Variants in EVA1C observed in about 807,000 individuals in gnomAD.
The protein encoded by EVA1C is protein eva-1 homolog C.
EVA1C carries 25 observed loss-of-function variants against 45.4 expected under a neutral mutation model. The observed-to-expected ratio is 0.55, with a 90% CI of 0.40 to 0.77. EVA1C has a LOEUF of 0.77. Ranked by LOEUF, EVA1C falls within the 30% of genes least tolerant of loss-of-function variation. EVA1C has a pLI of 0.00. For synonymous variants in EVA1C, 190 were observed against 221.2 expected, an observed-to-expected ratio of 0.86 and a Z score of 1.25; for missense variants, 479 against 554.8, an observed-to-expected ratio of 0.86 and a Z score of 1.37.
At chr21:32,494,117 T>C (rs2037261814) in intron 4 of EVA1C, among the ~76,000 whole-genome samples, 1 of 152,238 alleles carries the variant, frequency 6.6e-6, no homozygotes, top group South Asian at 2.1e-4. Context: ...TACTGTTTTT[T>C]TCTGATGGTA....
At chr21:32,502,092 T>C (rs1196424800) in intron 6 of EVA1C, among the ~76,000 whole-genome samples, 1 of 150,930 alleles carries the variant, frequency 6.6e-6, no homozygotes, top group Non-Finnish European at 1.5e-5. Flanking sequence ...CTCTCTTTCT[T>C]TCTTTCCTTA....
rs532063894 is a variant in EVA1C at position 32,450,167 on chromosome 21, G to A, written c.161-3145G>A. Among the ~76,000 whole-genome samples the A allele has an allele frequency of 9.8e-5, 15 of 152,296 alleles. No individual in the cohort carries two copies. In the East Asian group the frequency reaches 1.9e-3, roughly 20 times the overall value. ...GATTGGAGGCTCAGGCCACTGCACC[G>A]CACGTACAGGTCTTGATGTAAATGG... On this transcript the variant is annotated intron_variant, in intron 1 of 7. Coordinates refer to ENST00000300255, the MANE Select transcript of EVA1C (RefSeq NM_058187.5).
intron 4 of EVA1C, among the ~76,000 whole-genome samples, chr21:32,472,171 A>G (rs1406036606): frequency 2.0e-5 from 3 of 151,972 alleles, no homozygotes; most frequent in Non-Finnish European, 2.9e-5. Flanking sequence ...TTATTTATTT[A>G]TTTTTGAGAC....
At chr21:32,471,331 CTT>C (rs35525993) in intron 4 of EVA1C, among the ~76,000 whole-genome samples, 12 of 57,352 alleles carry the variant, frequency 2.1e-4, no homozygotes, top group African/African-American at 6.6e-4. Context: ...TTTCTTTTTT[CTT>C]TTTTTTTTTT....
At chr21:32,476,870 G>A (rs1217933829) in intron 4 of EVA1C, among the ~76,000 whole-genome samples, 3 of 152,060 alleles carry the variant, frequency 2.0e-5, no homozygotes, top group Admixed American at 1.3e-4. Context: ...GAAAGCCTCC[G>A]AGCTCTGGGT....
At chr21:32,432,871 C>T (rs756467585) in intron 1 of EVA1C, among the ~76,000 whole-genome samples, 10 of 152,000 alleles carry the variant, frequency 6.6e-5, no homozygotes, top group Non-Finnish European at 1.5e-4. Context: ...CAGGTGTGCA[C>T]CACTGCATGT....
intron 1 of EVA1C, among the ~76,000 whole-genome samples, chr21:32,450,185 G>A (rs1356865117): frequency 1.3e-5 from 2 of 152,236 alleles, no homozygotes; most frequent in Non-Finnish European, 2.9e-5. Flanking sequence ...AGGTCTTGAT[G>A]TAAATGGTCT....
intron 4 of EVA1C, among the ~76,000 whole-genome samples, chr21:32,468,404 C>CA (rs2036258739): frequency 6.7e-6 from 1 of 149,588 alleles, no homozygotes. Context: ...AAAAACAAAA[C>CA]AAACAAAAAA....
At chr21:32,465,598 C>T (rs1230685295) in intron 3 of EVA1C, among the ~76,000 whole-genome samples, 3 of 152,066 alleles carry the variant, frequency 2.0e-5, no homozygotes, top group Non-Finnish European at 1.5e-5. Flanking sequence ...ACCGTGGTCC[C>T]CTTTATATTT....
chr21:32,491,823 TAGG>T (rs1368653372), intron 4 of EVA1C, among the ~76,000 whole-genome samples: 2 of 145,728 alleles, frequency 1.4e-5, no homozygotes, highest in Non-Finnish European at 3.0e-5. Flanking sequence ...GGCAGGAGAG[TAGG>T]AGGAGATGAT....
chr21:32,440,946 C>A (rs1365051871), intron 1 of EVA1C, among the ~76,000 whole-genome samples: 1 of 152,010 alleles, frequency 6.6e-6, no homozygotes. Flanking sequence ...ATTAAAAATA[C>A]AAAAAATTAG....
At chr21:32,512,684 A>G (rs2037995983) in intron 7 of EVA1C, among the ~76,000 whole-genome samples, 1 of 152,090 alleles carries the variant, frequency 6.6e-6, no homozygotes, top group Non-Finnish European at 1.5e-5. Flanking sequence ...AAGACTATAA[A>G]TGGATGGGAT....
At chr21:32,442,574 TA>T (rs2035215299) in intron 1 of EVA1C, among the ~76,000 whole-genome samples, 2 of 149,876 alleles carry the variant, frequency 1.3e-5, no homozygotes, top group South Asian at 4.3e-4. Flanking sequence ...TTCAAACATG[TA>T]AAAACACCTT....
intron 4 of EVA1C, among the ~76,000 whole-genome samples, chr21:32,476,590 G>T (rs574982084): frequency 3.8e-4 from 58 of 152,232 alleles, no homozygotes; most frequent in Non-Finnish European, 6.6e-4. Context: ...GTGGTGAGCC[G>T]AGATCGCGCC....
intron 1 of EVA1C, among the ~76,000 whole-genome samples, chr21:32,427,678 A>C (rs1487184794): frequency 6.6e-6 from 1 of 151,410 alleles, no homozygotes; most frequent in Non-Finnish European, 1.5e-5. Context: ...GTGCCACTGC[A>C]CTCCAGCCTG....
intron 1 of EVA1C, among the ~76,000 whole-genome samples, chr21:32,438,879 G>A (rs1296339114): frequency 6.6e-6 from 1 of 152,140 alleles, no homozygotes; most frequent in Non-Finnish European, 1.5e-5. Context: ...ACAGATGAAT[G>A]TAATCCCTCA....
intron 1 of EVA1C, among the ~76,000 whole-genome samples, chr21:32,420,147 T>C (rs1470834826): frequency 6.6e-6 from 1 of 151,008 alleles, no homozygotes; most frequent in Non-Finnish European, 1.5e-5. Context: ...GAGTTAAAAA[T>C]ACTTTTAGGG....
intron 1 of EVA1C, among the ~76,000 whole-genome samples, chr21:32,415,401 G>A (rs2033994464): frequency 6.6e-6 from 1 of 152,166 alleles, no homozygotes; most frequent in Non-Finnish European, 1.5e-5. Context: ...GTATCCATGT[G>A]AAAGAAAGTG....
At chr21:32,446,158 G>T (rs536855128) in intron 1 of EVA1C, among the ~76,000 whole-genome samples, 1 of 152,240 alleles carries the variant, frequency 6.6e-6, no homozygotes, top group African/African-American at 2.4e-5. Flanking sequence ...CAGGAGAATT[G>T]CTTGAACCTG....
Sources: allele counts gnomAD v4.1 joint callset (sites outside exome capture counted in the v4.1 genomes callset), GRCh38; gene constraint gnomAD v4.1.1; transcripts MANE v1.5; gene names NCBI Gene and HGNC (gene_info 2026-07-23, HGNC 2026-07-21).